Variants in VPS8 observed in about 807,000 individuals in gnomAD.
The protein encoded by VPS8 is vacuolar protein sorting-associated protein 8 homolog.
VPS8 carries 129 observed loss-of-function variants against 216.4 expected under a neutral mutation model. The observed-to-expected ratio is 0.60, with a 90% CI of 0.52 to 0.69. VPS8 has a LOEUF of 0.69. VPS8 is among the 30% of genes least tolerant of loss of function. The probability of loss-of-function intolerance (pLI) is 0.00; values close to 1 mark genes in which losing one functional copy is unlikely to be tolerated. For missense variants in VPS8, 1,531 were observed against 1,683.5 expected, an observed-to-expected ratio of 0.91 and a Z score of 1.59; for synonymous variants, 571 against 565.4, an observed-to-expected ratio of 1.01 and a Z score of -0.14.
chr3:184,898,710 C>G, intron 24 of VPS8, 56 bp downstream of exon 24: 1 of 1,328,326 alleles, frequency 7.5e-7, no homozygotes, highest in Non-Finnish European at 1.0e-6. Context: ...ACTTTTTTCT[C>G]CTATTCTCCA....
intron 40 of VPS8, among the ~76,000 whole-genome samples, chr3:184,977,667 A>G (rs1016938902): frequency 2.6e-5 from 4 of 151,092 alleles, no homozygotes; most frequent in African/African-American, 4.9e-5. Flanking sequence ...TCTTCTGCAT[A>G]TGGATACCCA....
intron 46 of VPS8, among the ~76,000 whole-genome samples, chr3:185,034,138 G>T (rs1269815110): frequency 6.6e-6 from 1 of 152,162 alleles, no homozygotes; most frequent in Non-Finnish European, 1.5e-5. Flanking sequence ...GTGAGAACAT[G>T]TGGTATTTTG....
At chr3:185,038,606 C>T (rs1241378560) in intron 46 of VPS8, among the ~76,000 whole-genome samples, 1 of 152,146 alleles carries the variant, frequency 6.6e-6, no homozygotes, top group Non-Finnish European at 1.5e-5. Flanking sequence ...TTGAAATTCT[C>T]TATATTCAGT....
chr3:185,002,754 CATCCAG>C, intron 45 of VPS8, among the ~76,000 whole-genome samples: 1 of 152,312 alleles, frequency 6.6e-6, no homozygotes, highest in Admixed American at 6.5e-5. Flanking sequence ...TCTCCATCTC[CATCCAG>C]ATTGTGCAAA....
At chr3:184,897,219 C>G (rs1341992604) in intron 23 of VPS8, among the ~76,000 whole-genome samples, 1 of 151,914 alleles carries the variant, frequency 6.6e-6, no homozygotes, top group African/African-American at 2.4e-5. Context: ...GGAAGCTGGC[C>G]CAGGAGGTGA....
At chr3:184,997,472 G>C (rs1752765111) in intron 44 of VPS8, among the ~76,000 whole-genome samples, 1 of 152,228 alleles carries the variant, frequency 6.6e-6, no homozygotes, top group Non-Finnish European at 1.5e-5. Flanking sequence ...AAGATTGGTA[G>C]ACTTGATGGT....
intron 21 of VPS8, 161 bp from the exon 22 acceptor site, chr3:184,885,949 T>C (rs756327309): frequency 1.9e-5 from 12 of 636,920 alleles, no homozygotes; most frequent in Non-Finnish European, 1.9e-5. Flanking sequence ...AAATGTTCTG[T>C]TTTTCAGACT....
chr3:184,900,785 A>T, intron 24 of VPS8, 136 bp from the exon 25 acceptor site: 1 of 722,096 alleles, frequency 1.4e-6, no homozygotes, highest in Non-Finnish European at 2.2e-6. Context: ...TGTACAGATT[A>T]AAGGTTTTCA....
intron 45 of VPS8, among the ~76,000 whole-genome samples, chr3:185,000,856 C>T (rs557501263): frequency 7.9e-5 from 12 of 152,278 alleles, no homozygotes; most frequent in East Asian, 7.7e-4. Context: ...CTGCCCGCCT[C>T]GGCCTCCCAA....
intron 36 of VPS8, among the ~76,000 whole-genome samples, chr3:184,940,444 C>G (rs551180412): frequency 6.6e-6 from 1 of 152,172 alleles, no homozygotes; most frequent in African/African-American, 2.4e-5. Flanking sequence ...TAATACTTTT[C>G]TTTCCATTTG....
At chr3:184,927,897 A>G (rs1240393051) in intron 31 of VPS8, among the ~76,000 whole-genome samples, 1 of 152,200 alleles carries the variant, frequency 6.6e-6, no homozygotes, top group Non-Finnish European at 1.5e-5. Flanking sequence ...GCATGCATGT[A>G]TCAGGTTTTC....
At chr3:184,836,631 T>A (rs1022122335) in intron 5 of VPS8, among the ~76,000 whole-genome samples, 1 of 152,206 alleles carries the variant, frequency 6.6e-6, no homozygotes, top group Non-Finnish European at 1.5e-5. Flanking sequence ...GGTGCCTTCC[T>A]ATTTTTGGAT....
In VPS8 at chr3:184,832,730, A is replaced by G. The variant is rs1258193320; in HGVS notation, c.264A>G (p.Thr88=). 4 of 1,607,056 alleles carry G rather than the reference A, an allele frequency of 2.5e-6. No homozygotes were observed. The highest frequency in any genetic ancestry group is 1.7e-4 in the Middle Eastern group (1 of 6,042). ...EDESFILEDP[T]LLNIDTIDSH... is the part of the protein sequence containing the mutation. ...AGTCTTTTATTCTTGAGGATCCTAC[A>G]TTGTTAAACATTGATACTATTGATT... The change falls in exon 4 of 48, where the codon ACA becomes ACG. Residue 88 remains threonine (T), a synonymous_variant. Transcript: ENST00000625842.
At chr3:185,024,571 A>C (rs2110077623) in intron 46 of VPS8, among the ~76,000 whole-genome samples, 182 bp downstream of exon 46, 1 of 152,328 alleles carries the variant, frequency 6.6e-6, no homozygotes, top group Middle Eastern at 3.4e-3. Context: ...CAGAGAAACC[A>C]AGTTGGGTTT....
intron 25 of VPS8, among the ~76,000 whole-genome samples, chr3:184,903,240 T>C (rs1210888014): frequency 6.6e-6 from 1 of 152,228 alleles, no homozygotes; most frequent in African/African-American, 2.4e-5. Flanking sequence ...ATATTGTTTT[T>C]CTTTTTCAAA....
intron 26 of VPS8, 39 bp downstream of exon 26, chr3:184,913,600 T>C: frequency 6.8e-7 from 1 of 1,476,418 alleles, no homozygotes; most frequent in South Asian, 1.3e-5. Flanking sequence ...TGTATGTTCT[T>C]TCTATATTTT....
At position 184,915,023 on chromosome 3, in the gene VPS8, T is replaced by C; in HGVS notation, c.2232T>C (p.Pro744=). The C allele has an allele frequency of 6.2e-7, 1 of 1,614,048 alleles. No individual in the cohort carries two copies. Among genetic ancestry groups the C allele is most frequent in the Non-Finnish European group, 8.5e-7 (1 of 1,179,888 alleles). The change falls in exon 27 of 48, where the codon CCT becomes CCC. Residue 744 remains proline, a synonymous_variant. Coordinates refer to ENST00000625842, the MANE Select transcript of VPS8 (RefSeq NM_001009921.3). ...AGRAYPLGDI[P]EDLVPLVKNQ... ...GTGCCTATCCCCTTGGTGACATCCCTGAAGATCTGGTTCCCTTGGTTAAAA... is the reference window on the plus strand; with the variant it reads ...GTGCCTATCCCCTTGGTGACATCCCCGAAGATCTGGTTCCCTTGGTTAAAA...
intron 3 of VPS8, among the ~76,000 whole-genome samples, chr3:184,831,877 A>G (rs778582202): frequency 2.6e-5 from 4 of 152,148 alleles, no homozygotes; most frequent in Admixed American, 1.3e-4. Flanking sequence ...CGCCTCATCC[A>G]TTCTTCATAC....
In VPS8 at chr3:184,824,926, T is replaced by A; in HGVS notation, c.153+141T>A. Reference sequence around the variant, plus strand: ...TATAATTTTTTTTTTTTTTTTTGGATACAGGGTCTCACTCTGTTGTCCAGG... The same window carrying A: ...TATAATTTTTTTTTTTTTTTTTGGAAACAGGGTCTCACTCTGTTGTCCAGG... On this transcript the variant is annotated intron_variant, in intron 2 of 47. Transcript: ENST00000625842. 7.0e-6 allele frequency: 5 copies of A among 711,322 alleles called. 1 individual carries two copies. In the South Asian group the frequency reaches 9.3e-5, roughly 13 times the overall value. 44.1% of individuals were successfully genotyped at this position (711,322 alleles called of 1,614,324 possible). A position where few individuals can be genotyped will look rare whatever the true frequency, so the allele number is the denominator to read the frequency against.
Sources: gnomAD v4.1 joint callset for allele counts (sites outside exome capture counted in the v4.1 genomes callset) on GRCh38, gnomAD v4.1.1 for gene constraint, MANE v1.5 for transcripts, NCBI Gene and HGNC (gene_info 2026-07-23, HGNC 2026-07-21) for gene names.